Variants in CDK14 observed in about 807,000 individuals in gnomAD.
CDK14 encodes cyclin dependent kinase 14, also known as cyclin-dependent kinase 14.
In CDK14, 34 loss-of-function variants were observed where a neutral mutation model predicts 60.7. The ratio of observed to expected loss-of-function variants is 0.56; its 90% confidence interval spans 0.43 to 0.75. CDK14 has a LOEUF of 0.75. Ranked by LOEUF, CDK14 falls within the 30% of genes least tolerant of loss-of-function variation. CDK14 has a pLI of 0.00. For synonymous variants in CDK14, 197 were observed against 203.7 expected (o/e 0.97, Z 0.28); for missense variants, 482 against 564.1 (o/e 0.85, Z 1.47).
chr7:90,754,937 G>A (rs919615789), intron 4 of CDK14, among the ~76,000 whole-genome samples: 1 of 152,108 alleles, frequency 6.6e-6, no homozygotes, highest in Admixed American at 6.5e-5. Context: ...AAATCAGTTA[G>A]AATGGCTATT....
intron 3 of CDK14, among the ~76,000 whole-genome samples, chr7:90,736,344 GTTTTTGTTTTTTTTT>G (rs1415186123): frequency 1.3e-3 from 52 of 41,028 alleles, no homozygotes; most frequent in African/African-American, 3.8e-3. Flanking sequence ...ACTTTATTAT[GTTTTTGTTTTTTTTT>G]TTTTTTTTTT....
intron 5 of CDK14, among the ~76,000 whole-genome samples, chr7:90,851,962 A>G (rs1447906199): frequency 6.6e-6 from 1 of 152,092 alleles, no homozygotes; most frequent in Non-Finnish European, 1.5e-5. Context: ...GTTGTGGCGT[A>G]ATCACAGCTC....
chr7:91,112,816 A>G (rs1359614238), intron 13 of CDK14, 135 bp downstream of exon 13: 3 of 843,826 alleles, frequency 3.6e-6, no homozygotes, highest in Non-Finnish European at 3.7e-6. Context: ...TTGTATGTGC[A>G]TTACAGGTGT....
At chr7:91,059,384 T>A (rs996313235) in intron 11 of CDK14, among the ~76,000 whole-genome samples, 2 of 152,092 alleles carry the variant, frequency 1.3e-5, no homozygotes, top group Non-Finnish European at 2.9e-5. Context: ...TTTTGAAGGG[T>A]TTTTTGTGTC....
intron 12 of CDK14, chr7:91,107,527 G>T (rs1257757498): frequency 2.6e-5 from 4 of 152,198 alleles, no homozygotes; most frequent in Admixed American, 2.6e-4. Flanking sequence ...TTGATGACTG[G>T]TTATGTTTTG....
intron 5 of CDK14, among the ~76,000 whole-genome samples, chr7:90,835,692 C>T (rs1790071775): frequency 6.6e-6 from 1 of 152,132 alleles, no homozygotes; most frequent in Non-Finnish European, 1.5e-5. Flanking sequence ...GTCCAGTGTA[C>T]AGTACTAGTA....
intron 14 of CDK14, among the ~76,000 whole-genome samples, chr7:91,151,512 A>G (rs1418093907): frequency 6.6e-6 from 1 of 152,172 alleles, no homozygotes; most frequent in Non-Finnish European, 1.5e-5. Context: ...ATGGGGTTTC[A>G]TTTAAAACCA....
At chr7:91,007,605 C>G (rs1796015864) in intron 10 of CDK14, among the ~76,000 whole-genome samples, 1 of 152,166 alleles carries the variant, frequency 6.6e-6, no homozygotes, top group Non-Finnish European at 1.5e-5. Flanking sequence ...AGCTACAAAT[C>G]CACCCACCAC....
intron 2 of CDK14, among the ~76,000 whole-genome samples, chr7:90,637,594 C>G (rs936982242): frequency 6.6e-6 from 1 of 151,560 alleles, no homozygotes; most frequent in Non-Finnish European, 1.5e-5. Flanking sequence ...TGTGGTGCTG[C>G]AAAAAATGTA....
At chr7:91,049,520 C>T (rs1797331341) in intron 11 of CDK14, among the ~76,000 whole-genome samples, 1 of 152,130 alleles carries the variant, frequency 6.6e-6, no homozygotes, top group African/African-American at 2.4e-5. Context: ...CTGTGCCTGA[C>T]CACAATTTTT....
intron 12 of CDK14, among the ~76,000 whole-genome samples, chr7:91,092,760 G>A (rs1450936491): frequency 6.6e-6 from 1 of 152,156 alleles, no homozygotes; most frequent in Non-Finnish European, 1.5e-5. Context: ...AGGAGAACAC[G>A]AGGTACCACT....
chr7:90,986,496 C>T (rs1795375712), intron 10 of CDK14, among the ~76,000 whole-genome samples: 1 of 151,976 alleles, frequency 6.6e-6, no homozygotes, highest in Non-Finnish European at 1.5e-5. Context: ...ACTTTCCTAT[C>T]CACGATTAAA....
At chr7:90,981,957 C>T (rs1795239794) in intron 9 of CDK14, among the ~76,000 whole-genome samples, 1 of 152,226 alleles carries the variant, frequency 6.6e-6, no homozygotes, top group Admixed American at 6.5e-5. Flanking sequence ...TAGCCATCTA[C>T]ATATGCTAGT....
intron 5 of CDK14, among the ~76,000 whole-genome samples, chr7:90,835,061 C>A (rs62468468): frequency 1.3e-5 from 2 of 151,922 alleles, no homozygotes; most frequent in Admixed American, 1.3e-4. Context: ...GCAGGAGTGA[C>A]GGTGACTGAC....
At chr7:90,709,700 C>T (rs775315961) in intron 2 of CDK14, 68 of 1,501,946 alleles carry the variant, frequency 4.5e-5, no homozygotes, top group Non-Finnish European at 5.5e-5. Flanking sequence ...GTTAGCATGT[C>T]CTTTGAGTTC....
rs1211062285 is a variant in CDK14, at chr7:90,934,923, A to G, written c.826+17199A>G. ...CAGCCTTATATGGAATGGAGATTTTATTGTCTTCATGTATTGTCTTGTTTA... is the reference window on the plus strand; with the variant it reads ...CAGCCTTATATGGAATGGAGATTTTGTTGTCTTCATGTATTGTCTTGTTTA... On this transcript the variant is annotated intron_variant, in intron 8 of 14. Transcript: ENST00000380050. Among the ~76,000 whole-genome samples the G allele has an allele frequency of 4.8e-4, 73 of 152,224 alleles. 2 individuals carry two copies. The highest frequency in any genetic ancestry group is 4.6e-3 in the Admixed American group (71 of 15,284).
intron 14 of CDK14, among the ~76,000 whole-genome samples, chr7:91,157,932 C>G (rs574492705): frequency 6.6e-6 from 1 of 151,994 alleles, no homozygotes; most frequent in East Asian, 1.9e-4. Context: ...CTATCATGGC[C>G]ACAGGAGCTT....
intron 3 of CDK14, among the ~76,000 whole-genome samples, chr7:90,734,160 G>T (rs1387892811): frequency 6.6e-6 from 1 of 152,184 alleles, no homozygotes; most frequent in African/African-American, 2.4e-5. Context: ...GGCTTGTAGG[G>T]TTTCTGCTGA....
At chr7:90,893,385 A>G (rs773829379) in intron 6 of CDK14, among the ~76,000 whole-genome samples, 6 of 152,178 alleles carry the variant, frequency 3.9e-5, no homozygotes, top group Admixed American at 3.3e-4. Context: ...GGTCTAGTCT[A>G]TAGGTGGTCC....
Sources: allele counts gnomAD v4.1 joint callset (sites outside exome capture counted in the v4.1 genomes callset), GRCh38; gene constraint gnomAD v4.1.1; transcripts MANE v1.5; gene names NCBI Gene and HGNC (gene_info 2026-07-23, HGNC 2026-07-21).